Variants in NAV3 observed in about 807,000 individuals in gnomAD.
NAV3 encodes the protein neuron navigator 3.
In NAV3, 87 loss-of-function variants were observed where a neutral mutation model predicts 244.7. The observed-to-expected ratio is 0.36, with a 90% CI of 0.30 to 0.42. The LOEUF is 0.42. Among genes scored for constraint, NAV3 ranks in the 20% least tolerant of loss-of-function variants. NAV3 has a pLI of 1.00. For synonymous variants in NAV3, 1,126 were observed against 1,042.2 expected (o/e 1.08, Z -1.55); for missense variants, 2,663 against 2,893.3 (o/e 0.92, Z 1.83).
intron 12 of NAV3, among the ~76,000 whole-genome samples, chr12:78,102,899 G>A (rs1954609179): frequency 6.6e-6 from 1 of 152,078 alleles, no homozygotes; most frequent in Non-Finnish European, 1.5e-5. Flanking sequence ...GGCACCCTGG[G>A]CCCAGCCCTC....
intron 1 of NAV3, among the ~76,000 whole-genome samples, chr12:77,873,773 T>TATATATAA (rs762527287): frequency 0.03 from 3,821 of 128,470 alleles, 164 homozygotes; most frequent in East Asian, 0.055. Context: ...TATATGTATA[T>TATATATAA]AACAGCATAT....
At chr12:78,056,122 T>A (rs552439999) in intron 11 of NAV3, 1 of 152,288 alleles carries the variant, frequency 6.6e-6, no homozygotes, top group Admixed American at 6.5e-5. Flanking sequence ...CTCACATACA[T>A]TTGTTCTTTC....
intron 9 of NAV3, among the ~76,000 whole-genome samples, chr12:78,035,820 A>G (rs1879767747): frequency 1.3e-5 from 2 of 152,142 alleles, no homozygotes; most frequent in South Asian, 2.1e-4. Flanking sequence ...TTTGTTCTTT[A>G]AAAGATTAGG....
intron 1 of NAV3, among the ~76,000 whole-genome samples, chr12:77,889,905 G>C (rs1045458169): frequency 6.6e-6 from 1 of 152,114 alleles, no homozygotes; most frequent in African/African-American, 2.4e-5. Context: ...TTATAAGTTT[G>C]AACTCTGTAT....
chr12:77,897,547 T>G (rs1242359518), intron 1 of NAV3, among the ~76,000 whole-genome samples: 2 of 152,300 alleles, frequency 1.3e-5, no homozygotes, highest in Non-Finnish European at 2.9e-5. Flanking sequence ...CAGTTTCAAG[T>G]AACTTCACAG....
intron 28 of NAV3, among the ~76,000 whole-genome samples, chr12:78,178,548 G>A (rs1459678282): frequency 1.3e-5 from 2 of 151,980 alleles, no homozygotes; most frequent in African/African-American, 4.8e-5. Flanking sequence ...ATAATTGTGG[G>A]GGACTACTGT....
chr12:78,131,236 T>A (rs929921901), intron 18 of NAV3, among the ~76,000 whole-genome samples: 1 of 152,194 alleles, frequency 6.6e-6, no homozygotes, highest in Non-Finnish European at 1.5e-5. Context: ...TCCCACTATA[T>A]TGAGTAGGGC....
At chr12:78,201,876 C>T (rs984489344) in intron 38 of NAV3, among the ~76,000 whole-genome samples, 4 of 151,760 alleles carry the variant, frequency 2.6e-5, no homozygotes, top group Non-Finnish European at 5.9e-5. Flanking sequence ...CTATTTTTCC[C>T]TCTTTTACTC....
intron 2 of NAV3, among the ~76,000 whole-genome samples, chr12:77,708,274 A>G (rs1026231822): frequency 6.6e-6 from 1 of 152,170 alleles, no homozygotes; most frequent in Non-Finnish European, 1.5e-5. Context: ...CTTTCTACAT[A>G]TGGCTAGCCA....
At chr12:78,193,313 A>T (rs1013047024) in intron 34 of NAV3, among the ~76,000 whole-genome samples, 7 of 152,188 alleles carry the variant, frequency 4.6e-5, no homozygotes, top group Non-Finnish European at 7.4e-5. Flanking sequence ...ACACTTTGTG[A>T]CATTCGATAT....
intron 8 of NAV3, among the ~76,000 whole-genome samples, chr12:78,012,324 T>A (rs1463505614): frequency 6.6e-6 from 1 of 152,034 alleles, no homozygotes; most frequent in Admixed American, 6.6e-5. Flanking sequence ...GCTTCCACTC[T>A]GGGCTCTTTG....
At chr12:77,832,677 T>G (rs1873924537) in intron 1 of NAV3, among the ~76,000 whole-genome samples, 1 of 152,196 alleles carries the variant, frequency 6.6e-6, no homozygotes, top group Non-Finnish European at 1.5e-5. Context: ...GAATAAGTTA[T>G]TGTTGACAGT....
At chr12:77,657,108 G>C (rs1277194193) in intron 2 of NAV3, among the ~76,000 whole-genome samples, 1 of 152,074 alleles carries the variant, frequency 6.6e-6, no homozygotes, top group Non-Finnish European at 1.5e-5. Flanking sequence ...ACTAAAATCA[G>C]AGCAGAACTG....
At chr12:77,690,513 T>G (rs1874955896) in intron 2 of NAV3, among the ~76,000 whole-genome samples, 1 of 151,554 alleles carries the variant, frequency 6.6e-6, no homozygotes, top group Non-Finnish European at 1.5e-5. Flanking sequence ...CTTAATATTT[T>G]TACTTCTTCT....
intron 2 of NAV3, among the ~76,000 whole-genome samples, chr12:77,684,558 A>G (rs1221708707): frequency 6.6e-6 from 1 of 152,066 alleles, no homozygotes; most frequent in African/African-American, 2.4e-5. Flanking sequence ...CCTGGCCTCA[A>G]GAGATTCTCA....
intron 2 of NAV3, among the ~76,000 whole-genome samples, chr12:77,752,515 A>G (rs995894464): frequency 2.0e-5 from 3 of 152,256 alleles, no homozygotes; most frequent in East Asian, 1.9e-4. Flanking sequence ...GAACGCTGGA[A>G]TGCAGAGCAA....
At chr12:77,851,604 C>T (rs764375352) in intron 1 of NAV3, among the ~76,000 whole-genome samples, 26 of 152,096 alleles carry the variant, frequency 1.7e-4, no homozygotes, top group Admixed American at 3.9e-4. Flanking sequence ...TAATGATTGT[C>T]GTTATTTTAA....
chr12:77,961,057 G>A (rs1242281), intron 3 of NAV3, among the ~76,000 whole-genome samples: 101,682 of 119,372 alleles, frequency 0.85, 43,788 homozygotes, highest in East Asian at 0.96. Context: ...TGTATATGTT[G>A]CATGTATACG....
chr12:78,152,908 A>G (rs1957131273), intron 22 of NAV3, among the ~76,000 whole-genome samples: 1 of 152,006 alleles, frequency 6.6e-6, no homozygotes, highest in Non-Finnish European at 1.5e-5. Flanking sequence ...AAATTGTTAT[A>G]TTAGAACTCT....
Sources: allele counts gnomAD v4.1 joint callset (sites outside exome capture counted in the v4.1 genomes callset), GRCh38; gene constraint gnomAD v4.1.1; transcripts MANE v1.5; gene names NCBI Gene and HGNC (gene_info 2026-07-23, HGNC 2026-07-21).